The following KCNMB2 variants were observed in gnomAD, a reference collection of about 807,000 sequenced individuals.
KCNMB2 encodes the protein potassium calcium-activated channel subfamily M regulatory beta subunit 2.
In KCNMB2, 9 loss-of-function variants were observed where a neutral mutation model predicts 24.5. That is an observed-to-expected ratio of 0.37 (90% confidence interval 0.22 to 0.64). The LOEUF is 0.64. Ranked by LOEUF, KCNMB2 falls within the 30% of genes least tolerant of loss-of-function variation. The pLI is 0.63. For synonymous variants in KCNMB2, 109 were observed against 104.4 expected (o/e 1.04, Z -0.27); for missense variants, 226 against 284.3 (o/e 0.79, Z 1.47).
chr3:178,607,113 T>A (rs984518847), intron 1 of KCNMB2, among the ~76,000 whole-genome samples: 1 of 152,160 alleles, frequency 6.6e-6, no homozygotes, highest in Admixed American at 6.5e-5. Context: ...AGGTCAGATT[T>A]AGGACGAGTG....
chr3:178,614,246 T>TA (rs1718600085), intron 1 of KCNMB2, among the ~76,000 whole-genome samples: 2 of 82,722 alleles, frequency 2.4e-5, no homozygotes, highest in Non-Finnish European at 4.3e-5. Context: ...CTGGGCTAAT[T>TA]TTATATATAT....
chr3:178,745,789 C>T (rs1297171749), intron 1 of KCNMB2, among the ~76,000 whole-genome samples: 1 of 152,222 alleles, frequency 6.6e-6, no homozygotes, highest in African/African-American at 2.4e-5. Context: ...AGTCTGAAAT[C>T]CAGCAGGGCA....
intron 1 of KCNMB2, among the ~76,000 whole-genome samples, chr3:178,620,664 T>C (rs147326337): frequency 6.6e-6 from 1 of 152,342 alleles, no homozygotes; most frequent in Non-Finnish European, 1.5e-5. Context: ...ACCATCATTT[T>C]ACACGTTAGG....
chr3:178,716,597 C>G (rs2108354267), intron 1 of KCNMB2, among the ~76,000 whole-genome samples: 2 of 152,250 alleles, frequency 1.3e-5, no homozygotes, highest in Middle Eastern at 6.8e-3. Flanking sequence ...GCATGCTCCA[C>G]CATGCCCAGC....
intron 1 of KCNMB2, among the ~76,000 whole-genome samples, chr3:178,590,126 A>T (rs1421454520): frequency 6.6e-6 from 1 of 152,160 alleles, no homozygotes. Context: ...GGAAGGTTTA[A>T]CCAGAAAAAT....
At chr3:178,703,303 A>C (rs2108342750) in intron 1 of KCNMB2, among the ~76,000 whole-genome samples, 1 of 152,256 alleles carries the variant, frequency 6.6e-6, no homozygotes, top group East Asian at 1.9e-4. Context: ...CAGAACTGGA[A>C]TGTTTTTGGA....
intron 1 of KCNMB2, among the ~76,000 whole-genome samples, chr3:178,592,460 T>C (rs1395202512): frequency 1.3e-5 from 2 of 151,938 alleles, no homozygotes; most frequent in Non-Finnish European, 1.5e-5. Context: ...ATGATGCGTA[T>C]GTGTAATGCA....
chr3:178,592,130 C>T (rs1476341583), intron 1 of KCNMB2, among the ~76,000 whole-genome samples: 2 of 152,044 alleles, frequency 1.3e-5, no homozygotes, highest in African/African-American at 4.8e-5. Context: ...ATAGGATTTT[C>T]TTCTTTGCTA....
intron 1 of KCNMB2, among the ~76,000 whole-genome samples, chr3:178,762,849 GAAA>G (rs58820080): frequency 3.1e-5 from 4 of 129,264 alleles, no homozygotes; most frequent in East Asian, 2.2e-4. Flanking sequence ...TTACTGAGTT[GAAA>G]AAAAAAAAAA....
At chr3:178,752,537 A>G (rs1475429591) in intron 1 of KCNMB2, among the ~76,000 whole-genome samples, 2 of 152,188 alleles carry the variant, frequency 1.3e-5, no homozygotes, top group African/African-American at 2.4e-5. Context: ...GGAAGCCATT[A>G]ATGACTTTTA....
At chr3:178,664,532 G>A (rs1425685877) in intron 1 of KCNMB2, among the ~76,000 whole-genome samples, 1 of 151,982 alleles carries the variant, frequency 6.6e-6, no homozygotes, top group Admixed American at 6.6e-5. Context: ...GGTGTAAGGA[G>A]GAGATTATGA....
chr3:178,825,382 G>T (rs116703006), intron 2 of KCNMB2, among the ~76,000 whole-genome samples: 4,974 of 152,194 alleles, frequency 0.033, 133 homozygotes, highest in Non-Finnish European at 0.044. Context: ...CTCAGGACTG[G>T]TACACATACA....
chr3:178,783,584 C>T (rs1396863196), intron 1 of KCNMB2, among the ~76,000 whole-genome samples: 2 of 146,578 alleles, frequency 1.4e-5, no homozygotes, highest in Admixed American at 1.4e-4. Flanking sequence ...CATGATTTGG[C>T]TCTCTGTTTG....
At chr3:178,652,404 T>C (rs1184042675) in intron 1 of KCNMB2, among the ~76,000 whole-genome samples, 4 of 151,924 alleles carry the variant, frequency 2.6e-5, no homozygotes, top group African/African-American at 4.8e-5. Context: ...CATCATGGCA[T>C]GTGTATACCT....
intron 1 of KCNMB2, among the ~76,000 whole-genome samples, chr3:178,684,958 T>G (rs1721410276): frequency 6.6e-6 from 1 of 152,230 alleles, no homozygotes; most frequent in African/African-American, 2.4e-5. Flanking sequence ...AAAGCACGCA[T>G]CTGTGAAGTT....
intron 1 of KCNMB2, among the ~76,000 whole-genome samples, chr3:178,626,381 G>T (rs1227010667): frequency 6.6e-6 from 1 of 152,170 alleles, no homozygotes; most frequent in Non-Finnish European, 1.5e-5. Flanking sequence ...CAAAGTGCCT[G>T]ACACATGGTA....
chr3:178,753,095 A>G (rs1194529880), intron 1 of KCNMB2, among the ~76,000 whole-genome samples: 1 of 152,160 alleles, frequency 6.6e-6, no homozygotes, highest in Non-Finnish European at 1.5e-5. Context: ...CATGTTATTG[A>G]GCTCCAACAT....
intron 1 of KCNMB2, among the ~76,000 whole-genome samples, chr3:178,597,034 C>A (rs1260946457): frequency 6.6e-6 from 1 of 152,124 alleles, no homozygotes; most frequent in Non-Finnish European, 1.5e-5. Context: ...GGTGTGCCTG[C>A]TGCTCTTCTC....
chr3:178,608,598 G>A (rs1425535548), intron 1 of KCNMB2, among the ~76,000 whole-genome samples: 1 of 152,068 alleles, frequency 6.6e-6, no homozygotes, highest in East Asian at 1.9e-4. Flanking sequence ...TCACCCTATT[G>A]TGCTATTGAA....
Sources: allele counts gnomAD v4.1 joint callset (sites outside exome capture counted in the v4.1 genomes callset), GRCh38; gene constraint gnomAD v4.1.1; transcripts MANE v1.5; gene names NCBI Gene and HGNC (gene_info 2026-07-23, HGNC 2026-07-21).